The following NAA11 variants were observed in gnomAD, a reference collection of about 807,000 sequenced individuals.
NAA11 encodes N-alpha-acetyltransferase 11, NatA catalytic subunit.
Under a neutral mutation model 16.1 loss-of-function variants are expected in NAA11, and 15 were observed. That is an observed-to-expected ratio of 0.93 (90% CI 0.62 to 1.44). NAA11 has a LOEUF of 1.44. Ranked by LOEUF, NAA11 falls within the 40% of genes most tolerant of loss-of-function variation. The pLI is 0.00. For synonymous variants in NAA11, 122 were observed against 112.4 expected (o/e 1.09, Z -0.54); for missense variants, 298 against 291.3 (o/e 1.02, Z -0.17).
chr4:79,244,760 T>C, intron 2 of NAA11: 1 of 152,656 alleles, frequency 6.6e-6, no homozygotes, highest in Non-Finnish European at 1.5e-5. Flanking sequence ...GCCGAGTGCC[T>C]GGGATTGCAG....
downstream of NAA11, among the ~76,000 whole-genome samples, chr4:79,221,166 C>T (rs2109948509): frequency 6.6e-6 from 1 of 151,942 alleles, no homozygotes; most frequent in African/African-American, 2.4e-5. Flanking sequence ...CATGATGTGG[C>T]TCTCTGTTTG....
the NAA11 span, among the ~76,000 whole-genome samples, chr4:79,156,392 CTTATT>C: frequency 1.6e-4 from 24 of 151,888 alleles, no homozygotes; most frequent in East Asian, 4.4e-3. Context: ...TACAAAGTGA[CTTATT>C]TTAAGTAATT....
At chr4:79,202,523 C>CACAT in the NAA11 span, among the ~76,000 whole-genome samples, 3 of 142,406 alleles carry the variant, frequency 2.1e-5, no homozygotes, top group African/African-American at 7.6e-5. Flanking sequence ...AACTTTTATA[C>CACAT]ACACACACAC....
At chr4:79,195,511 T>C in the NAA11 span, among the ~76,000 whole-genome samples, 25 of 152,232 alleles carry the variant, frequency 1.6e-4, 1 homozygote, top group East Asian at 4.8e-3. Flanking sequence ...GAAAATCTAA[T>C]CTGTGGTATC....
At position 79,317,140 on chromosome 4, in the gene NAA11, C is replaced by T. The variant is rs532044884; in HGVS notation, c.*664G>A. ...ACATTAGAGATTCCAATTTAATTAC[C>T]GTTTGTCCTTTTCTTAAAATCTCCA... On this transcript the variant is annotated 3_prime_UTR_variant, in exon 2 of 2. Coordinates refer to ENST00000286794, the MANE Select transcript of NAA11 (RefSeq NM_032693.3). The T allele has an allele frequency of 1.3e-5, 2 of 152,212 alleles. No homozygotes were observed. The highest frequency in any genetic ancestry group is 6.5e-5 in the Admixed American group (1 of 15,282). 9.4% of individuals were successfully genotyped at this position (152,212 alleles called of 1,614,324 possible). A position where few individuals can be genotyped will look rare whatever the true frequency, so the allele number is the denominator to read the frequency against.
chr4:79,222,188 G>A (rs1312770375), downstream of NAA11, among the ~76,000 whole-genome samples: 1 of 152,058 alleles, frequency 6.6e-6, no homozygotes, highest in Admixed American at 6.6e-5. Context: ...ATTCTCTGAT[G>A]GTAGTTTGTA....
chr4:79,315,168 A>C (rs1380333690), downstream of NAA11, among the ~76,000 whole-genome samples: 1 of 152,028 alleles, frequency 6.6e-6, no homozygotes, highest in East Asian at 1.9e-4. Context: ...TTAGAAATGC[A>C]GATACTCAGG....
chr4:79,233,789 G>A (rs371595105), intron 2 of NAA11, among the ~76,000 whole-genome samples: 1 of 152,032 alleles, frequency 6.6e-6, no homozygotes, highest in Non-Finnish European at 1.5e-5. Flanking sequence ...TGGCCACTGT[G>A]GTTGGCTCAT....
At chr4:79,314,307 T>A (rs1321972706), downstream of NAA11, among the ~76,000 whole-genome samples, 1 of 152,306 alleles carries the variant, frequency 6.6e-6, no homozygotes, top group East Asian at 1.9e-4. Context: ...TTGCTTCTTT[T>A]GATGAATTAA....
At chr4:79,234,511 G>T (rs952693754) in intron 2 of NAA11, among the ~76,000 whole-genome samples, 1 of 152,126 alleles carries the variant, frequency 6.6e-6, no homozygotes, top group African/African-American at 2.4e-5. Flanking sequence ...CAAACTCACA[G>T]ACACCTTTGT....
At chr4:79,200,955 A>G in the NAA11 span, among the ~76,000 whole-genome samples, 1 of 151,660 alleles carries the variant, frequency 6.6e-6, no homozygotes, top group East Asian at 1.9e-4. Context: ...TATATATTAT[A>G]CATATATGTA....
the NAA11 span, among the ~76,000 whole-genome samples, chr4:79,166,575 G>T: frequency 6.9e-6 from 1 of 144,718 alleles, no homozygotes; most frequent in African/African-American, 2.5e-5. Flanking sequence ...TGATCCTCCT[G>T]CCTGGGGTCT....
At chr4:79,323,548 C>T (rs1452285249) in intron 1 of NAA11, among the ~76,000 whole-genome samples, 1 of 152,020 alleles carries the variant, frequency 6.6e-6, no homozygotes, top group Admixed American at 6.6e-5. Context: ...AGGCCGGGCA[C>T]GGTGGCTCAT....
chr4:79,217,749 G>A, the NAA11 span, among the ~76,000 whole-genome samples: 1 of 152,070 alleles, frequency 6.6e-6, no homozygotes, highest in African/African-American at 2.4e-5. Context: ...AAATTCATAT[G>A]GGAAGTAAGA....
At chr4:79,168,268 C>T in the NAA11 span, among the ~76,000 whole-genome samples, 2 of 152,134 alleles carry the variant, frequency 1.3e-5, no homozygotes, top group Non-Finnish European at 2.9e-5. Flanking sequence ...TCCAGTCTAT[C>T]ATTGATGGCC....
chr4:79,204,928 T>TATACAC, the NAA11 span, among the ~76,000 whole-genome samples: 15,230 of 147,826 alleles, frequency 0.1, 854 homozygotes, highest in Middle Eastern at 0.14. Flanking sequence ...ATGGTGTGTA[T>TATACAC]ACACACACAC....
intron 2 of NAA11, among the ~76,000 whole-genome samples, chr4:79,290,213 T>C (rs1302707977): frequency 6.6e-6 from 1 of 152,142 alleles, no homozygotes; most frequent in Non-Finnish European, 1.5e-5. Flanking sequence ...GGGATGTTTC[T>C]CTGGTTGACA....
the NAA11 span, among the ~76,000 whole-genome samples, chr4:79,165,667 C>T: frequency 6.6e-6 from 1 of 152,180 alleles, no homozygotes; most frequent in Non-Finnish European, 1.5e-5. Flanking sequence ...AACTGGGAGA[C>T]ATCTACAAAA....
At chr4:79,255,539 A>G (rs540544131) in intron 2 of NAA11, among the ~76,000 whole-genome samples, 16 of 152,338 alleles carry the variant, frequency 1.1e-4, no homozygotes, top group Non-Finnish European at 2.2e-4. Context: ...TTAAATGACT[A>G]TCTCTTGTAA....
Sources: gnomAD v4.1 joint callset for allele counts (sites outside exome capture counted in the v4.1 genomes callset) on GRCh38, gnomAD v4.1.1 for gene constraint, MANE v1.5 for transcripts, NCBI Gene and HGNC (gene_info 2026-07-23, HGNC 2026-07-21) for gene names.